CCDC141: variants seen among roughly 807,000 people sequenced by gnomAD.
CCDC141 encodes the protein coiled-coil domain-containing protein 141.
A neutral mutation model predicts 181.0 loss-of-function variants in CCDC141; 168 were observed. The observed-to-expected ratio is 0.93, with a 90% CI of 0.82 to 1.05. The LOEUF is 1.05. Ranked by LOEUF, CCDC141 falls within the 50% of genes least tolerant of loss-of-function variation. CCDC141 has a pLI of 0.00. For synonymous variants in CCDC141, 666 were observed against 642.3 expected (o/e 1.04, Z -0.56); for missense variants, 1,902 against 1,788.5 (o/e 1.06, Z -1.14).
At chr2:178,888,711 T>A (rs771364775) in intron 8 of CCDC141, 43 bp from the exon 9 acceptor site, 1 of 1,546,458 alleles carries the variant, frequency 6.5e-7, no homozygotes, top group South Asian at 1.2e-5. Flanking sequence ...CACCCCAATA[T>A]AGAACACAGA....
Position 178,925,373 on chromosome 2 carries a change from C to A in CCDC141, c.898-6466G>T, listed in dbSNP as rs559770816. On this transcript the variant is annotated intron_variant, in intron 6 of 23. Coordinates refer to ENST00000443758, the MANE Select transcript of CCDC141 (RefSeq NM_173648.4). ...CACTGAGTGGACCCACTAAGCAGCACTTTAGCAGCGTGAAGCACAGGGTGC... is the reference window on the plus strand; with the variant it reads ...CACTGAGTGGACCCACTAAGCAGCAATTTAGCAGCGTGAAGCACAGGGTGC... Among the ~76,000 whole-genome samples, 52 of 152,338 alleles carry A rather than the reference C, an allele frequency of 3.4e-4. No homozygotes were observed. The South Asian group carries it at 0.01, about 30-fold the overall frequency.
At chr2:178,822,336 G>A in the CCDC141 span, among the ~76,000 whole-genome samples, 262 of 151,020 alleles carry the variant, frequency 1.7e-3, no homozygotes, top group Non-Finnish European at 3.0e-3. Context: ...CAGCACAGCA[G>A]CATGGCACAT....
intron 2 of CCDC141, among the ~76,000 whole-genome samples, chr2:179,033,920 G>C (rs2043067160): frequency 6.6e-6 from 1 of 152,122 alleles, no homozygotes; most frequent in South Asian, 2.1e-4. Context: ...TCACAAGTAA[G>C]AAGCCTGGGG....
chr2:178,858,932 T>C (rs908904882), intron 17 of CCDC141, among the ~76,000 whole-genome samples: 1 of 152,180 alleles, frequency 6.6e-6, no homozygotes, highest in Non-Finnish European at 1.5e-5. Context: ...TTTAATACTT[T>C]AATTCTCAAC....
chr2:178,971,194 C>T (rs77837553), intron 4 of CCDC141, among the ~76,000 whole-genome samples: 7,105 of 152,064 alleles, frequency 0.047, 211 homozygotes, highest in South Asian at 0.078. Context: ...GGTGGCAAAG[C>T]GAGACTCCAC....
At chr2:178,937,680 T>C (rs185078424) in intron 6 of CCDC141, among the ~76,000 whole-genome samples, 184 of 152,248 alleles carry the variant, frequency 1.2e-3, no homozygotes, top group African/African-American at 4.3e-3. Flanking sequence ...CTGGTGGAAT[T>C]TGGCTATGAA....
intron 12 of CCDC141, chr2:178,877,269 CT>C (rs1686393999): frequency 6.6e-6 from 1 of 152,062 alleles, no homozygotes; most frequent in Non-Finnish European, 1.5e-5. Context: ...AATATGAATA[CT>C]TTTTGTCCCT....
chr2:178,852,537 T>C (rs1685207940), intron 20 of CCDC141, among the ~76,000 whole-genome samples: 1 of 152,346 alleles, frequency 6.6e-6, no homozygotes, highest in East Asian at 1.9e-4. Flanking sequence ...TCTATCCTTT[T>C]CTTCTGGAAT....
At chr2:178,990,191 G>A (rs1691981814) in intron 2 of CCDC141, among the ~76,000 whole-genome samples, 1 of 145,782 alleles carries the variant, frequency 6.9e-6, no homozygotes, top group Non-Finnish European at 1.5e-5. Flanking sequence ...TTGTTGGCAA[G>A]AACATGGAGA....
intron 17 of CCDC141, among the ~76,000 whole-genome samples, chr2:178,865,293 G>A (rs1322644474): frequency 2.0e-5 from 3 of 152,158 alleles, no homozygotes; most frequent in African/African-American, 7.2e-5. Flanking sequence ...CAAAGTGTCT[G>A]CTCCCTGGCC....
At chr2:178,968,243 G>A (rs903574629) in intron 4 of CCDC141, among the ~76,000 whole-genome samples, 2 of 152,298 alleles carry the variant, frequency 1.3e-5, no homozygotes, top group Non-Finnish European at 1.5e-5. Flanking sequence ...AGACCTAATA[G>A]ACATCTACAG....
At chr2:179,029,491 A>G (rs1411638911) in intron 2 of CCDC141, among the ~76,000 whole-genome samples, 1 of 152,238 alleles carries the variant, frequency 6.6e-6, no homozygotes, top group East Asian at 1.9e-4. Context: ...ATTCATAGAT[A>G]GTAACCATTA....
At chr2:178,884,254 A>C (rs1385609249) in intron 11 of CCDC141, among the ~76,000 whole-genome samples, 2 of 151,534 alleles carry the variant, frequency 1.3e-5, no homozygotes, top group African/African-American at 2.4e-5. Context: ...AAAAAAAAAA[A>C]ACCAGAATCT....
At chr2:178,864,205 G>A (rs1685740967) in intron 17 of CCDC141, among the ~76,000 whole-genome samples, 1 of 152,018 alleles carries the variant, frequency 6.6e-6, no homozygotes, top group South Asian at 2.1e-4. Context: ...AAGTAGAGGA[G>A]GAGGAAGAGA....
rs766214278 is a variant in CCDC141, at chr2:178,856,394, T to C, written c.2728A>G (p.Lys910Glu). 10 of 1,563,908 alleles carry C rather than the reference T, an allele frequency of 6.4e-6. No individual in the cohort carries two copies. In the South Asian group the frequency reaches 1.1e-4, roughly 16 times the overall value. ...TTTTTGATATCTTTGAATGAGTCTT[T>C]GAGCTGTAGTTCAATAAAAAGAAAT... Reference protein sequence around the residue: ...CAMRDEINELKDSFKDIKKKF... With the variant: ...CAMRDEINELEDSFKDIKKKF... Residue 910 changes from lysine to glutamate, a missense_variant, in exon 18 of 24, where the codon AAA becomes GAA. Coordinates refer to ENST00000443758, the MANE Select transcript of CCDC141 (RefSeq NM_173648.4).
At chr2:179,014,754 A>C (rs1229339545) in intron 2 of CCDC141, among the ~76,000 whole-genome samples, 1 of 151,998 alleles carries the variant, frequency 6.6e-6, no homozygotes, top group African/African-American at 2.4e-5. Context: ...GGCCATTATC[A>C]AAAAAATCAA....
chr2:178,868,199 G>A lies in CCDC141; in HGVS notation c.2401C>T (p.Arg801Cys), dbSNP rs375119570. Residue 801 changes from arginine to cysteine, a missense_variant, in exon 16 of 24, where the codon CGT (arginine) becomes TGT (cysteine). Physicochemically the swap from Arg to Cys is radical, Grantham distance 180. Transcript: ENST00000443758. Reference sequence around the variant, plus strand: ...TCCAGCTCTCTTGATTTGATGAGACGTCCCAGCTACAATTTAGGGCATTAA... The same window carrying A: ...TCCAGCTCTCTTGATTTGATGAGACATCCCAGCTACAATTTAGGGCATTAA... ...QFHQVKEELG[R>C]LIKSRELEFV... The A allele has an allele frequency of 8.1e-6, 13 of 1,606,092 alleles. No individual in the cohort carries two copies. Among genetic ancestry groups the A allele is most frequent in the East Asian group, 2.2e-5 (1 of 44,630 alleles).
At chr2:179,014,592 CCATCAAAAAGTAGGCTAAGGA>C in intron 2 of CCDC141, among the ~76,000 whole-genome samples, 1 of 151,866 alleles carries the variant, frequency 6.6e-6, no homozygotes, top group South Asian at 2.1e-4. Flanking sequence ...ACAAACAATC[CCATCAAAAAGTAGGCTAAGGA>C]CATGCATACA....
Position 178,978,433 on chromosome 2 carries a change from C to T in CCDC141, c.417+51G>A, listed in dbSNP as rs1366575122. ...GAAAAAATAAACATTTTCAGGAGTGCTATTCATTTGCTCTGATGTGGGGAA... is the reference window on the plus strand; with the variant it reads ...GAAAAAATAAACATTTTCAGGAGTGTTATTCATTTGCTCTGATGTGGGGAA... On this transcript the variant is annotated intron_variant, in intron 3 of 23. Transcript: ENST00000443758. The T allele has an allele frequency of 2.7e-5, 31 of 1,142,916 alleles. 2 individuals carry two copies. Among genetic ancestry groups the T allele is most frequent in the Non-Finnish European group, 3.6e-5 (31 of 869,532 alleles). 70.8% of individuals were successfully genotyped at this position (1,142,916 alleles called of 1,614,324 possible).
Sources: allele counts gnomAD v4.1 joint callset (sites outside exome capture counted in the v4.1 genomes callset), GRCh38; gene constraint gnomAD v4.1.1; transcripts MANE v1.5; gene names NCBI Gene and HGNC (gene_info 2026-07-23, HGNC 2026-07-21).